The following KIRREL3 variants were observed in gnomAD, a reference collection of about 807,000 sequenced individuals.
KIRREL3 encodes kin of IRRE-like protein 3.
A neutral mutation model predicts 89.7 loss-of-function variants in KIRREL3; 36 were observed. The ratio of observed to expected loss-of-function variants is 0.40; its 90% CI spans 0.31 to 0.53. KIRREL3 has a LOEUF of 0.53. KIRREL3 is among the 20% of genes least tolerant of loss of function. The probability of loss-of-function intolerance (pLI) is 0.49; values close to 1 mark genes in which losing one functional copy is unlikely to be tolerated. For synonymous variants in KIRREL3, 445 were observed against 441.4 expected (o/e 1.01, Z -0.10); for missense variants, 864 against 1,056.6 (o/e 0.82, Z 2.53).
rs1453256248 is a variant in KIRREL3 at position 126,528,226 on chromosome 11, C to A, written c.134-1539G>T. On this transcript the variant is annotated intron_variant, in intron 2 of 16. Coordinates refer to ENST00000525144, the MANE Select transcript of KIRREL3 (RefSeq NM_032531.4). This position sits in a 1 kb window ranked among gnomAD's most constrained non-coding sequence, Gnocchi z 4.6. ...GCTCCAGCTGCTGATGCTGTGGCCTCTCCTCCCCAACCCGGGAGAGTCAGG... is the reference window on the plus strand; with the variant it reads ...GCTCCAGCTGCTGATGCTGTGGCCTATCCTCCCCAACCCGGGAGAGTCAGG... Among the ~76,000 whole-genome samples, 1 of 152,252 alleles carries A rather than the reference C, an allele frequency of 6.6e-6. No individual in the cohort carries two copies. Among genetic ancestry groups the A allele is most frequent in the Non-Finnish European group, 1.5e-5 (1 of 68,048 alleles).
intron 1 of KIRREL3, among the ~76,000 whole-genome samples, chr11:126,929,958 C>CAT (rs915964757): frequency 1.3e-5 from 2 of 152,076 alleles, no homozygotes; most frequent in Non-Finnish European, 2.9e-5. Context: ...ACCCCCCCCC[C>CAT]CCCACCTCAC....
chr11:126,795,593 A>T lies in KIRREL3; in HGVS notation c.55+204862T>A, dbSNP rs10893568. On this transcript the variant is annotated intron_variant, in intron 1 of 16. Coordinates refer to ENST00000525144, the MANE Select transcript of KIRREL3 (RefSeq NM_032531.4). The surrounding 1 kb of genome is among the most constrained non-coding windows in gnomAD (Gnocchi z 4.1). ...GGTTTCTACTAAAACCCTGTTGGCC[A>T]GGCTGGTCTTGAACTCCTGACCTCA... Among the ~76,000 whole-genome samples, 45,804 of 151,812 alleles carry T rather than the reference A, an allele frequency of 0.3. 6,981 individuals are homozygous for T. The highest frequency in any genetic ancestry group is 0.34 in the African/African-American group (14,030 of 41,366).
At chr11:126,507,642 G>A (rs1958070069) in intron 4 of KIRREL3, among the ~76,000 whole-genome samples, 1 of 152,180 alleles carries the variant, frequency 6.6e-6, no homozygotes, top group Admixed American at 6.5e-5. Flanking sequence ...GCATGTGGAA[G>A]GCACATATAC....
rs1263358064 is a variant in KIRREL3 at position 126,812,886 on chromosome 11, G to T, written c.55+187569C>A. ...AAGGAAGTGGCCTACGGGAATCTGCGCACCTCTGCTGTGACCGGGAAGCTG... is the reference window on the plus strand; with the variant it reads ...AAGGAAGTGGCCTACGGGAATCTGCTCACCTCTGCTGTGACCGGGAAGCTG... On this transcript the variant is annotated intron_variant, in intron 1 of 16. Coordinates refer to ENST00000525144, the MANE Select transcript of KIRREL3 (RefSeq NM_032531.4). The surrounding 1 kb of genome is among the most constrained non-coding windows in gnomAD (Gnocchi z 5.2). 6.6e-6 allele frequency among the ~76,000 whole-genome samples: 1 copy of T among 152,152 alleles called. No homozygotes were observed. Among genetic ancestry groups the T allele is most frequent in the African/African-American group, 2.4e-5 (1 of 41,418 alleles).
In KIRREL3 at chr11:126,844,885, C is replaced by A. The variant is rs530218140; in HGVS notation, c.55+155570G>T. Among the ~76,000 whole-genome samples, 7 of 152,304 alleles carry A rather than the reference C, an allele frequency of 4.6e-5. No individual in the cohort carries two copies. The South Asian group carries it at 8.3e-4, about 18-fold the overall frequency. ...CTGGAAGAGATCCTTTTGCTACCAACAAGCAGCCACCTGAAATTGTCAGTG... is the reference window on the plus strand; with the variant it reads ...CTGGAAGAGATCCTTTTGCTACCAAAAAGCAGCCACCTGAAATTGTCAGTG... On this transcript the variant is annotated intron_variant, in intron 1 of 16. Transcript: ENST00000525144. The surrounding 1 kb of genome is among the most constrained non-coding windows in gnomAD (Gnocchi z 4.8).
chr11:126,884,295 T>C (rs1299563873), intron 1 of KIRREL3, among the ~76,000 whole-genome samples: 2 of 152,186 alleles, frequency 1.3e-5, no homozygotes, highest in African/African-American at 4.8e-5. Flanking sequence ...AGGATTGTCA[T>C]TGGAGAAGCA....
In KIRREL3 at chr11:126,477,424, C is replaced by T. The variant is rs996295041; in HGVS notation, c.434-3958G>A. 6.6e-6 allele frequency among the ~76,000 whole-genome samples: 1 copy of T among 152,054 alleles called. No homozygotes were observed. Among genetic ancestry groups the T allele is most frequent in the African/African-American group, 2.4e-5 (1 of 41,416 alleles). On this transcript the variant is annotated intron_variant, in intron 4 of 16. Transcript: ENST00000525144. This position sits in a 1 kb window ranked among gnomAD's most constrained non-coding sequence, Gnocchi z 4.8. ...TCTGCTGCCAAAGACAATGGGGTCT[C>T]GGGTGGACAGGTGGCATGGGGAGAG...
At chr11:126,464,550 AAAGAAAAAG>A (rs1256973872) in intron 5 of KIRREL3, among the ~76,000 whole-genome samples, 3 of 151,662 alleles carry the variant, frequency 2.0e-5, no homozygotes, top group Middle Eastern at 3.4e-3. Context: ...AGAAAAAGAA[AAAGAAAAAG>A]AAGAAGGAGA....
In KIRREL3 at chr11:126,750,872, T is replaced by C. The variant is rs971215703; in HGVS notation, c.56-187960A>G. Among the ~76,000 whole-genome samples, 1 of 152,236 alleles carries C rather than the reference T, an allele frequency of 6.6e-6. No individual in the cohort carries two copies. Among genetic ancestry groups the C allele is most frequent in the African/African-American group, 2.4e-5 (1 of 41,460 alleles). On this transcript the variant is annotated intron_variant, in intron 1 of 16. Coordinates refer to ENST00000525144, the MANE Select transcript of KIRREL3 (RefSeq NM_032531.4). The surrounding 1 kb of genome is among the most constrained non-coding windows in gnomAD (Gnocchi z 4.2). ...TCATGAGTACTAATAAAACACATGA[T>C]AGTTATCACTTTAGGGATGGCTTTG...
intron 1 of KIRREL3, among the ~76,000 whole-genome samples, chr11:126,693,415 T>C (rs898915627): frequency 6.6e-6 from 1 of 152,140 alleles, no homozygotes. Context: ...AGTGAGACTC[T>C]GTCTCAAACA....
Position 126,570,174 on chromosome 11 carries a change from T to A in KIRREL3, c.56-7262A>T, listed in dbSNP as rs1305293969. Among the ~76,000 whole-genome samples, 1 of 152,202 alleles carries A rather than the reference T, an allele frequency of 6.6e-6. No homozygotes were observed. The highest frequency in any genetic ancestry group is 1.5e-5 in the Non-Finnish European group (1 of 68,042). ...ATACCTGTTTTATAATTTTTGGATCTCATTGCTTGCTAATTCTAAGTTTAC... is the reference window on the plus strand; with the variant it reads ...ATACCTGTTTTATAATTTTTGGATCACATTGCTTGCTAATTCTAAGTTTAC... On this transcript the variant is annotated intron_variant, in intron 1 of 16. Coordinates refer to ENST00000525144, the MANE Select transcript of KIRREL3 (RefSeq NM_032531.4). The surrounding 1 kb of genome is among the most constrained non-coding windows in gnomAD (Gnocchi z 6.1).
At position 126,706,849 on chromosome 11, in the gene KIRREL3, G is replaced by A. The variant is rs557486591; in HGVS notation, c.56-143937C>T. 1.1e-3 allele frequency among the ~76,000 whole-genome samples: 161 copies of A among 151,158 alleles called. 2 individuals carry two copies. In the South Asian group the frequency reaches 0.024, roughly 23 times the overall value. On this transcript the variant is annotated intron_variant, in intron 1 of 16. Transcript: ENST00000525144. ...ATTTTAATAATTCTTTTTCCTTTTTGAACTGTAAGAACTCTTAGATGACAA... is the reference window on the plus strand; with the variant it reads ...ATTTTAATAATTCTTTTTCCTTTTTAAACTGTAAGAACTCTTAGATGACAA...
rs1189332914 is a variant in KIRREL3, at chr11:126,486,230, C to T, written c.434-12764G>A. Among the ~76,000 whole-genome samples, 10 of 152,026 alleles carry T rather than the reference C, an allele frequency of 6.6e-5. No homozygotes were observed. The highest frequency in any genetic ancestry group is 1.7e-4 in the African/African-American group (7 of 41,356). ...CAGATGACAGAGGGTGCTACGTGGC[C>T]GCCGTCTGCACAGCAAGGGTGAGAG... On this transcript the variant is annotated intron_variant, in intron 4 of 16. Coordinates refer to ENST00000525144, the MANE Select transcript of KIRREL3 (RefSeq NM_032531.4). The surrounding 1 kb of genome is among the most constrained non-coding windows in gnomAD (Gnocchi z 6.2).
In KIRREL3 at chr11:126,811,999, G is replaced by A. The variant is rs1460651473; in HGVS notation, c.55+188456C>T. Among the ~76,000 whole-genome samples the A allele has an allele frequency of 6.6e-6, 1 of 152,208 alleles. No homozygotes were observed. The highest frequency in any genetic ancestry group is 1.5e-5 in the Non-Finnish European group (1 of 68,034). The stretch of plus-strand genomic sequence containing the variant: ...CCCCCAGCACTGGTATTGACATACT[G>A]CAGACCTTCTATTGTTGGTGGCAAA... On this transcript the variant is annotated intron_variant, in intron 1 of 16. Coordinates refer to ENST00000525144, the MANE Select transcript of KIRREL3 (RefSeq NM_032531.4). This position sits in a 1 kb window ranked among gnomAD's most constrained non-coding sequence, Gnocchi z 4.3.
rs1941926055 is a variant in KIRREL3 at position 126,587,548 on chromosome 11, T to C, written c.56-24636A>G. On this transcript the variant is annotated intron_variant, in intron 1 of 16. Transcript: ENST00000525144. This position sits in a 1 kb window ranked among gnomAD's most constrained non-coding sequence, Gnocchi z 5.2. The stretch of plus-strand genomic sequence containing the variant: ...TGCTCTCGACTCCCCCAGCCTTTCA[T>C]TGTATGTGGAAGAGGAGCCAGAAAT... Among the ~76,000 whole-genome samples, 1 of 152,124 alleles carries C rather than the reference T, an allele frequency of 6.6e-6. No individual in the cohort carries two copies. Among genetic ancestry groups the C allele is most frequent in the African/African-American group, 2.4e-5 (1 of 41,428 alleles).
In KIRREL3 at chr11:126,669,142, G is replaced by C. The variant is rs1945822428; in HGVS notation, c.56-106230C>G. Among the ~76,000 whole-genome samples the C allele has an allele frequency of 6.6e-6, 1 of 151,994 alleles. No homozygotes were observed. Among genetic ancestry groups the C allele is most frequent in the African/African-American group, 2.4e-5 (1 of 41,372 alleles). ...TGCTCTTTGTTTTGTTTTTGCTTTGGTTTTTTGCTTCTCTGGGGTATGGGT... is the reference window on the plus strand; with the variant it reads ...TGCTCTTTGTTTTGTTTTTGCTTTGCTTTTTTGCTTCTCTGGGGTATGGGT... On this transcript the variant is annotated intron_variant, in intron 1 of 16. Coordinates refer to ENST00000525144, the MANE Select transcript of KIRREL3 (RefSeq NM_032531.4). This position sits in a 1 kb window ranked among gnomAD's most constrained non-coding sequence, Gnocchi z 5.0.
chr11:126,482,230 A>G (rs112107090), intron 4 of KIRREL3, among the ~76,000 whole-genome samples: 8,152 of 152,040 alleles, frequency 0.054, 245 homozygotes, highest in African/African-American at 0.078. Flanking sequence ...GTAGAGATGG[A>G]GTTTCACCAT....
rs1010486226 is a variant in KIRREL3 at position 126,837,114 on chromosome 11, G to A, written c.55+163341C>T. ...TTTAGAGGAAAGAATAGAACTTTTG[G>A]ATTAAAAAGCCAGTTGGGTTCAAAT... On this transcript the variant is annotated intron_variant, in intron 1 of 16. Coordinates refer to ENST00000525144, the MANE Select transcript of KIRREL3 (RefSeq NM_032531.4). The surrounding 1 kb of genome is among the most constrained non-coding windows in gnomAD (Gnocchi z 4.7). Among the ~76,000 whole-genome samples the A allele has an allele frequency of 6.6e-6, 1 of 152,102 alleles. No individual in the cohort carries two copies. Among genetic ancestry groups the A allele is most frequent in the Non-Finnish European group, 1.5e-5 (1 of 68,008 alleles).
intron 4 of KIRREL3, among the ~76,000 whole-genome samples, chr11:126,497,215 T>TGA (rs1242317513): frequency 0.18 from 19,913 of 112,302 alleles, 2,659 homozygotes; most frequent in African/African-American, 0.43. Context: ...TGTGAGTGTG[T>TGA]GAGAGTGAGT....
Sources: gnomAD v4.1 joint callset for allele counts (sites outside exome capture counted in the v4.1 genomes callset) on GRCh38, gnomAD v4.1.1 for gene constraint, Gnocchi (gnomAD v3.1) non-coding constraint, MANE v1.5 for transcripts, NCBI Gene and HGNC (gene_info 2026-07-23, HGNC 2026-07-21) for gene names.